MYH10: variants seen among roughly 807,000 people sequenced by gnomAD.
MYH10 encodes myosin-10.
In MYH10, 55 loss-of-function variants were observed where a neutral mutation model predicts 257.8. That is an observed-to-expected ratio of 0.21 (90% CI 0.17 to 0.27). The LOEUF is 0.27. MYH10 is among the 10% of genes least tolerant of loss of function. The probability of loss-of-function intolerance (pLI) is 1.00; values close to 1 mark genes in which losing one functional copy is unlikely to be tolerated. For synonymous variants in MYH10, 854 were observed against 921.7 expected (o/e 0.93, Z 1.33); for missense variants, 1,631 against 2,500.6 (o/e 0.65, Z 7.42).
At chr17:8,501,048 G>GTT in intron 28 of MYH10, 78 bp from the exon 29 acceptor site, 1 of 1,415,964 alleles carries the variant, frequency 7.1e-7, no homozygotes, top group Non-Finnish European at 9.6e-7. Flanking sequence ...AAAAAGTACT[G>GTT]TTTTTGTTTT....
chr17:8,601,434 G>A (rs897361156), intron 3 of MYH10, among the ~76,000 whole-genome samples: 5 of 152,196 alleles, frequency 3.3e-5, no homozygotes, highest in African/African-American at 7.2e-5. Flanking sequence ...AAGATGAAGC[G>A]TATCTCCTTT....
rs2082112333 is a variant in MYH10, at chr17:8,535,319, A to G, written c.1894+68T>C. 1 of 1,185,168 alleles carries G rather than the reference A, an allele frequency of 8.4e-7. No individual in the cohort carries two copies. Among genetic ancestry groups the G allele is most frequent in the Non-Finnish European group, 1.2e-6 (1 of 822,374 alleles). 73.4% of individuals were successfully genotyped at this position (1,185,168 alleles called of 1,614,324 possible). A position where few individuals can be genotyped will look rare whatever the true frequency, so the allele number is the denominator to read the frequency against. On this transcript the variant is annotated intron_variant, in intron 16 of 42. Coordinates refer to ENST00000360416, the MANE Select transcript of MYH10 (RefSeq NM_001256012.3). This position sits in a 1 kb window ranked among gnomAD's most constrained non-coding sequence, Gnocchi z 4.3. ...TATGTATCCATATATATGTAAAAGA[A>G]CCATCTATAAACCTTAATTATAAAA... is the stretch of plus-strand genomic sequence containing the variant.
At chr17:8,546,449 A>G (rs4791724) in intron 12 of MYH10, 95 bp downstream of exon 12, 972,213 of 980,798 alleles carry the variant, frequency 0.99, 482,314 homozygotes, top group East Asian at 1. Context: ...AAGACAGTTT[A>G]TATTGATTCA....
rs370752660 is a variant in MYH10 at position 8,545,706 on chromosome 17, T to C, written c.1279-106A>G. ...TATACAGCACTCAAAAAACCTGAGATGGCATTCACTGCTTAATCATGTCTC... is the reference window on the plus strand; with the variant it reads ...TATACAGCACTCAAAAAACCTGAGACGGCATTCACTGCTTAATCATGTCTC... On this transcript the variant is annotated intron_variant, in intron 12 of 42. Transcript: ENST00000360416. This position sits in a 1 kb window ranked among gnomAD's most constrained non-coding sequence, Gnocchi z 4.7. 3.0e-6 allele frequency: 3 copies of C among 1,011,974 alleles called. No homozygotes were observed. Among genetic ancestry groups the C allele is most frequent in the East Asian group, 2.6e-5 (1 of 38,996 alleles). 62.7% of individuals were successfully genotyped at this position (1,011,974 alleles called of 1,614,324 possible).
At position 8,530,792 on chromosome 17, in the gene MYH10, A is replaced by G. The variant is rs1323109353; in HGVS notation, c.1895-107T>C. 3.7e-6 allele frequency: 3 copies of G among 811,598 alleles called. No homozygotes were observed. In the African/African-American group the frequency reaches 5.2e-5, roughly 14 times the overall value. The allele number at this position is 811,598 out of a possible 1,614,324, so 50.3% of individuals were successfully genotyped here. On this transcript the variant is annotated intron_variant, in intron 16 of 42. Coordinates refer to ENST00000360416, the MANE Select transcript of MYH10 (RefSeq NM_001256012.3). ...CAAGTCAACTTTGAAATCGGGCTAC[A>G]AAAGGAGCTAGTCCAAGGCAGATCC...
chr17:8,497,854 C>T (rs1315480468), intron 30 of MYH10, among the ~76,000 whole-genome samples: 1 of 149,768 alleles, frequency 6.7e-6, no homozygotes, highest in Non-Finnish European at 1.5e-5. Flanking sequence ...TTTTTTGAGT[C>T]GTTATTTCCT....
At chr17:8,500,158 T>G (rs1917293745) in intron 29 of MYH10, among the ~76,000 whole-genome samples, 1 of 152,122 alleles carries the variant, frequency 6.6e-6, no homozygotes, top group Non-Finnish European at 1.5e-5. Flanking sequence ...ATATTGTCAT[T>G]GTCTAAATTA....
At chr17:8,605,647 G>T (rs2084768533) in intron 2 of MYH10, among the ~76,000 whole-genome samples, 1 of 152,094 alleles carries the variant, frequency 6.6e-6, no homozygotes, top group African/African-American at 2.4e-5. Context: ...AGGAGGCTGA[G>T]GTAGGAAAAT....
Position 8,475,526 on chromosome 17 carries a change from GT to G in MYH10, c.*277del, listed in dbSNP as rs541683902. 4.8e-4 allele frequency: 166 copies of G among 347,460 alleles called. 1 individual carries two copies. Among genetic ancestry groups the G allele is most frequent in the African/African-American group, 3.0e-3 (145 of 47,788 alleles). The allele number at this position is 347,460 out of a possible 1,614,324, so 21.5% of individuals were successfully genotyped here. Reference sequence around the variant, plus strand: ...TTTGTTTTAAAAAGGGTCTTACCATGTTTTATAAAATGGTCTCTTGATGACT... The same window carrying G: ...TTTGTTTTAAAAAGGGTCTTACCATGTTTATAAAATGGTCTCTTGATGACT... On this transcript the variant is annotated 3_prime_UTR_variant, in exon 43 of 43. Transcript: ENST00000360416.
chr17:8,559,893 C>T (rs921286964), intron 7 of MYH10, among the ~76,000 whole-genome samples: 3 of 152,216 alleles, frequency 2.0e-5, no homozygotes, highest in South Asian at 2.1e-4. Flanking sequence ...AAAAATATTG[C>T]TATTTTAAGA....
At chr17:8,541,769 A>T (rs1419156152) in intron 14 of MYH10, among the ~76,000 whole-genome samples, 1 of 152,180 alleles carries the variant, frequency 6.6e-6, no homozygotes, top group African/African-American at 2.4e-5. Flanking sequence ...AGCTAAATAA[A>T]GTGTCAGGTG....
chr17:8,623,789 T>G (rs952951205), intron 1 of MYH10, among the ~76,000 whole-genome samples: 2 of 152,204 alleles, frequency 1.3e-5, no homozygotes, highest in Admixed American at 1.3e-4. Context: ...AAAGTTCTTC[T>G]TATGAATAAC....
intron 7 of MYH10, among the ~76,000 whole-genome samples, chr17:8,568,415 C>T (rs1264005903): frequency 6.6e-6 from 1 of 152,134 alleles, no homozygotes; most frequent in Non-Finnish European, 1.5e-5. Flanking sequence ...GTCGCTTCCA[C>T]TAATCATAGC....
At chr17:8,592,964 T>TATATATATATATATATAAATAA (rs1567953199) in intron 3 of MYH10, among the ~76,000 whole-genome samples, 1 of 119,916 alleles carries the variant, frequency 8.3e-6, no homozygotes, top group African/African-American at 3.1e-5. Flanking sequence ...TATATATATA[T>TATATATATATATATATAAATAA]ATATATAAAA....
In MYH10 at chr17:8,519,464, A is replaced by G. The variant is rs2081579218; in HGVS notation, c.2274-514T>C. 2.0e-5 allele frequency among the ~76,000 whole-genome samples: 3 copies of G among 152,122 alleles called. No homozygotes were observed. The South Asian group carries it at 6.2e-4, about 32-fold the overall frequency. On this transcript the variant is annotated intron_variant, in intron 19 of 42. Transcript: ENST00000360416. Reference sequence around the variant, plus strand: ...ATATGTTCACTGAGCTGCACATTTAAAATCTGTGTACCTCACTGTATACAG... The same window carrying G: ...ATATGTTCACTGAGCTGCACATTTAGAATCTGTGTACCTCACTGTATACAG...
At chr17:8,624,675 G>A (rs568776997) in intron 1 of MYH10, among the ~76,000 whole-genome samples, 41 of 152,296 alleles carry the variant, frequency 2.7e-4, no homozygotes, top group African/African-American at 6.7e-4. Context: ...TGCACTTAGC[G>A]TGTGTATATA....
At chr17:8,562,033 C>T (rs951767065) in intron 7 of MYH10, among the ~76,000 whole-genome samples, 4 of 152,208 alleles carry the variant, frequency 2.6e-5, no homozygotes, top group African/African-American at 9.6e-5. Context: ...AAAGCACTAA[C>T]ATGTATTCTA....
intron 7 of MYH10, chr17:8,561,142 A>C: frequency 1.6e-6 from 1 of 623,108 alleles, no homozygotes. Context: ...AGGATTATAA[A>C]ATAAAAACTC....
intron 16 of MYH10, among the ~76,000 whole-genome samples, chr17:8,532,381 G>A (rs532497654): frequency 6.6e-6 from 1 of 152,374 alleles, no homozygotes; most frequent in East Asian, 1.9e-4. Flanking sequence ...CACCAGGGCT[G>A]AAGGAGCTCA....
Sources: allele counts gnomAD v4.1 joint callset (sites outside exome capture counted in the v4.1 genomes callset), GRCh38; gene constraint gnomAD v4.1.1; non-coding constraint Gnocchi (gnomAD v3.1); transcripts MANE v1.5; gene names NCBI Gene and HGNC (gene_info 2026-07-23, HGNC 2026-07-21).